The following CHODL variants were observed in gnomAD, a reference collection of about 807,000 sequenced individuals.
CHODL encodes chondrolectin.
CHODL carries 29 observed loss-of-function variants against 34.5 expected under a neutral mutation model. That is an observed-to-expected ratio of 0.84 (90% CI 0.63 to 1.15). CHODL has a LOEUF of 1.15. Among genes scored for constraint, CHODL ranks in the 50% most tolerant of loss-of-function variants. CHODL has a pLI of 0.00. For synonymous variants in CHODL, 125 were observed against 116.1 expected, an observed-to-expected ratio of 1.08 and a Z score of -0.49; for missense variants, 332 against 332.5, an observed-to-expected ratio of 1.00 and a Z score of 0.01.
intron 2 of CHODL, among the ~76,000 whole-genome samples, chr21:18,218,101 T>C (rs1238230723): frequency 6.6e-6 from 1 of 152,160 alleles, no homozygotes; most frequent in Admixed American, 6.5e-5. Flanking sequence ...CCATTTGAGG[T>C]CTGGAGGATG....
At chr21:18,029,406 A>G (rs1028575072) in intron 2 of CHODL, among the ~76,000 whole-genome samples, 3 of 152,148 alleles carry the variant, frequency 2.0e-5, no homozygotes, top group Admixed American at 6.6e-5. Context: ...TGTATATTTT[A>G]AATTTTTTAG....
chr21:18,089,780 C>A (rs935002018), intron 2 of CHODL, among the ~76,000 whole-genome samples: 4 of 152,070 alleles, frequency 2.6e-5, no homozygotes, highest in African/African-American at 4.8e-5. Flanking sequence ...TAGGAGAATT[C>A]TACAGGAAAC....
At chr21:18,027,305 A>G in intron 1 of CHODL, among the ~76,000 whole-genome samples, 1 of 152,024 alleles carries the variant, frequency 6.6e-6, no homozygotes, top group East Asian at 1.9e-4. Flanking sequence ...AATAAAAAAA[A>G]CTCTCCAGAA....
At chr21:18,248,586 A>ATATATATATTATATATGTATTATATGTAT (rs2074172960) in intron 1 of CHODL, among the ~76,000 whole-genome samples, 1 of 135,796 alleles carries the variant, frequency 7.4e-6, no homozygotes, top group African/African-American at 2.8e-5. Context: ...AATGTATTTT[A>ATATATATATTATATATGTATTATATGTAT]TATATATATA....
intron 2 of CHODL, among the ~76,000 whole-genome samples, chr21:18,197,293 T>G (rs143603866): frequency 8.5e-5 from 13 of 152,260 alleles, no homozygotes; most frequent in Non-Finnish European, 1.5e-4. Flanking sequence ...TATTCTCAAT[T>G]TAACATAGTG....
chr21:18,102,605 A>G (rs1478812121), intron 2 of CHODL, among the ~76,000 whole-genome samples: 3 of 152,234 alleles, frequency 2.0e-5, no homozygotes, highest in African/African-American at 4.8e-5. Flanking sequence ...TTAACAAAAA[A>G]TCACTGGTGA....
At chr21:18,252,365 T>TA (rs1167924647) in intron 1 of CHODL, among the ~76,000 whole-genome samples, 1 of 152,074 alleles carries the variant, frequency 6.6e-6, no homozygotes, top group African/African-American at 2.4e-5. Context: ...AGACGAGAGG[T>TA]AATTGTAATT....
intron 2 of CHODL, among the ~76,000 whole-genome samples, chr21:18,062,859 A>C (rs1210128929): frequency 6.6e-6 from 1 of 152,132 alleles, no homozygotes; most frequent in Non-Finnish European, 1.5e-5. Context: ...TGTAAAAGAA[A>C]AATTTGTGTC....
intron 2 of CHODL, among the ~76,000 whole-genome samples, chr21:18,095,270 G>A (rs2065126123): frequency 1.3e-5 from 2 of 152,040 alleles, no homozygotes; most frequent in Admixed American, 1.3e-4. Flanking sequence ...CAGACAAACT[G>A]AGAGAAAAGG....
intron 1 of CHODL, among the ~76,000 whole-genome samples, chr21:18,006,568 A>T (rs1490086459): frequency 6.6e-6 from 1 of 152,210 alleles, no homozygotes; most frequent in Non-Finnish European, 1.5e-5. Context: ...GATTCCTTAC[A>T]GGGACTTAGT....
At chr21:17,945,943 A>T (rs970414503) in intron 1 of CHODL, among the ~76,000 whole-genome samples, 1 of 152,188 alleles carries the variant, frequency 6.6e-6, no homozygotes, top group Admixed American at 6.5e-5. Context: ...GAGTAGAATG[A>T]TATATTCAAA....
intron 2 of CHODL, among the ~76,000 whole-genome samples, chr21:18,212,458 C>T (rs2073783802): frequency 6.6e-6 from 1 of 151,990 alleles, no homozygotes; most frequent in Admixed American, 6.5e-5. Flanking sequence ...AAGCCTATAC[C>T]TTTAGACTTA....
intron 1 of CHODL, among the ~76,000 whole-genome samples, chr21:17,938,514 C>T (rs1435517496): frequency 1.1e-4 from 12 of 112,126 alleles, no homozygotes; most frequent in African/African-American, 1.8e-4. Flanking sequence ...AGTCTCGCTC[C>T]ATCGCCCAGG....
At chr21:18,264,687 A>G (rs2074429378) in intron 5 of CHODL, among the ~76,000 whole-genome samples, 1 of 151,864 alleles carries the variant, frequency 6.6e-6, no homozygotes, top group South Asian at 2.1e-4. Flanking sequence ...CTGAAAAGTT[A>G]TCGTGTTGTG....
intron 2 of CHODL, among the ~76,000 whole-genome samples, chr21:18,216,337 A>C (rs1375561826): frequency 6.6e-6 from 1 of 152,172 alleles, no homozygotes; most frequent in Non-Finnish European, 1.5e-5. Context: ...ATTTTTGATA[A>C]CTATAGTCCT....
chr21:18,153,646 C>T (rs1432708121), intron 2 of CHODL, among the ~76,000 whole-genome samples: 1 of 152,036 alleles, frequency 6.6e-6, no homozygotes, highest in Non-Finnish European at 1.5e-5. Context: ...AAATATGCCA[C>T]TTTGGCATAA....
At chr21:18,113,266 G>A (rs567826235) in intron 2 of CHODL, among the ~76,000 whole-genome samples, 7 of 152,268 alleles carry the variant, frequency 4.6e-5, no homozygotes, top group African/African-American at 1.7e-4. Context: ...AAATGCTGGC[G>A]AGGATGCGGA....
At chr21:18,106,033 T>C (rs1160486836) in intron 2 of CHODL, among the ~76,000 whole-genome samples, 1 of 152,170 alleles carries the variant, frequency 6.6e-6, no homozygotes, top group East Asian at 1.9e-4. Flanking sequence ...GGCACACTTA[T>C]TGCAATAGTG....
chr21:18,142,355 G>T (rs1036877103), intron 2 of CHODL, among the ~76,000 whole-genome samples: 1 of 152,066 alleles, frequency 6.6e-6, no homozygotes, highest in Non-Finnish European at 1.5e-5. Flanking sequence ...CTTTAATTCT[G>T]TGCCATCGAT....
Sources: allele counts gnomAD v4.1 joint callset (sites outside exome capture counted in the v4.1 genomes callset), GRCh38; gene constraint gnomAD v4.1.1; transcripts MANE v1.5; gene names NCBI Gene and HGNC (gene_info 2026-07-23, HGNC 2026-07-21).